MVB12B: variants seen among roughly 807,000 people sequenced by gnomAD.
MVB12B encodes ESCRT-I complex subunit MVB12B.
A neutral mutation model predicts 41.6 loss-of-function variants in MVB12B; 16 were observed. The observed-to-expected ratio is 0.38, with a 90% CI of 0.26 to 0.58. The LOEUF is 0.58. Among genes scored for constraint, MVB12B ranks in the 20% least tolerant of loss-of-function variants. The pLI, the probability that MVB12B is intolerant of heterozygous loss-of-function variation, is 0.62. For synonymous variants in MVB12B, 133 were observed against 139.7 expected, an observed-to-expected ratio of 0.95 and a Z score of 0.34; for missense variants, 274 against 380.2, an observed-to-expected ratio of 0.72 and a Z score of 2.32.
Position 126,386,709 on chromosome 9 carries a change from G to A in MVB12B, c.409+51G>A. ...TCACAATGAGCGTTTTCTTCCTCCA[G>A]GTATATTTGTAGGTGTTTTTCTATG... On this transcript the variant is annotated intron_variant, in intron 4 of 9. Transcript: ENST00000361171. This position sits in a 1 kb window ranked among gnomAD's most constrained non-coding sequence, Gnocchi z 4.3. 8.1e-6 allele frequency: 11 copies of A among 1,350,632 alleles called. No individual in the cohort carries two copies. Among genetic ancestry groups the A allele is most frequent in the Non-Finnish European group, 1.2e-5 (11 of 944,844 alleles). 83.7% of individuals were successfully genotyped at this position (1,350,632 alleles called of 1,614,324 possible).
intron 9 of MVB12B, among the ~76,000 whole-genome samples, chr9:126,488,086 C>T (rs1833657171): frequency 6.6e-6 from 1 of 152,178 alleles, no homozygotes; most frequent in African/African-American, 2.4e-5. Flanking sequence ...CTTTTAGCCA[C>T]TGAACTCGGC....
intron 7 of MVB12B, among the ~76,000 whole-genome samples, chr9:126,450,806 G>C (rs897590261): frequency 6.6e-6 from 1 of 152,200 alleles, no homozygotes; most frequent in African/African-American, 2.4e-5. Context: ...TTCCGGCTCA[G>C]GCTGGTGCAG....
Position 126,483,897 on chromosome 9 carries a change from A to C in MVB12B, c.814-76A>C, listed in dbSNP as rs115021512. On this transcript the variant is annotated intron_variant, in intron 8 of 9. Coordinates refer to ENST00000361171, the MANE Select transcript of MVB12B (RefSeq NM_033446.3). ...TCACACCGTGGCTTGAGGTGTTACCATTGTCATGCATAAAAGTAAGTGTGG... is the reference window on the plus strand; with the variant it reads ...TCACACCGTGGCTTGAGGTGTTACCCTTGTCATGCATAAAAGTAAGTGTGG... The C allele has an allele frequency of 8.9e-5, 130 of 1,468,786 alleles. No homozygotes were observed. The African/African-American group carries it at 1.6e-3, about 18-fold the overall frequency. The allele number at this position is 1,468,786 out of a possible 1,614,324, so 91.0% of individuals were successfully genotyped here.
chr9:126,479,888 G>A (rs1413636469), intron 7 of MVB12B, among the ~76,000 whole-genome samples: 4 of 152,170 alleles, frequency 2.6e-5, no homozygotes, highest in African/African-American at 7.2e-5. Flanking sequence ...TGAGCCATTC[G>A]GCTTTTCTTG....
At chr9:126,385,928 G>A (rs1301087865) in intron 3 of MVB12B, among the ~76,000 whole-genome samples, 8 of 152,182 alleles carry the variant, frequency 5.3e-5, no homozygotes, top group Non-Finnish European at 8.8e-5. Flanking sequence ...TTGTACACCA[G>A]TTACCGAAAC....
chr9:126,327,008 A>T lies in MVB12B; in HGVS notation c.79A>T (p.Thr27Ser). 4.6e-6 allele frequency: 1 copy of T among 216,478 alleles called. No individual in the cohort carries two copies. Among genetic ancestry groups the T allele is most frequent in the Non-Finnish European group, 9.1e-6 (1 of 109,300 alleles). 13.4% of individuals were successfully genotyped at this position (216,478 alleles called of 1,614,324 possible). ...QPPPPPPQRG[T>S]DQSTMPEVKD... ...ACCGCCGCCGCCGCCCCAGCGGGGA[A>T]CAGTTAAGTGAGGCCCGGGCGCCGC... is the stretch of plus-strand genomic sequence containing the variant. The change falls in exon 1 of 10, where the codon ACA becomes TCA. Residue 27 changes from threonine to serine, a missense_variant and splice_region_variant. Coordinates refer to ENST00000361171, the MANE Select transcript of MVB12B (RefSeq NM_033446.3).
At chr9:126,439,282 G>A (rs1433520031) in intron 7 of MVB12B, among the ~76,000 whole-genome samples, 1 of 151,110 alleles carries the variant, frequency 6.6e-6, no homozygotes, top group Non-Finnish European at 1.5e-5. Flanking sequence ...GGGTGGGGGC[G>A]CTAGGCAGGG....
intron 9 of MVB12B, among the ~76,000 whole-genome samples, chr9:126,495,151 C>G (rs1234523541): frequency 6.7e-6 from 1 of 149,318 alleles, no homozygotes; most frequent in East Asian, 2.0e-4. Flanking sequence ...GAGATCGAGC[C>G]ACTGCACTCC....
At chr9:126,348,336 G>A (rs1216220523) in intron 2 of MVB12B, among the ~76,000 whole-genome samples, 1 of 152,194 alleles carries the variant, frequency 6.6e-6, no homozygotes, top group Non-Finnish European at 1.5e-5. Context: ...TGGCCCCAAG[G>A]GAGCAGAGCT....
In MVB12B at chr9:126,340,992, C is replaced by T. The variant is rs1331486476; in HGVS notation, c.204+362C>T. Among the ~76,000 whole-genome samples the T allele has an allele frequency of 6.6e-6, 1 of 152,210 alleles. No individual in the cohort carries two copies. The highest frequency in any genetic ancestry group is 2.1e-4 in the South Asian group (1 of 4,838). On this transcript the variant is annotated intron_variant, in intron 2 of 9. Transcript: ENST00000361171. This position sits in a 1 kb window ranked among gnomAD's most constrained non-coding sequence, Gnocchi z 4.0. ...TGTGTAAATATTGTAAAGGCATTGT[C>T]CTACGTCTGTGTAGCTCTTTACAGT...
At position 126,459,827 on chromosome 9, in the gene MVB12B, A is replaced by G. The variant is rs1029200122; in HGVS notation, c.758-21542A>G. Among the ~76,000 whole-genome samples the G allele has an allele frequency of 1.9e-4, 29 of 152,160 alleles. No individual in the cohort carries two copies. Among genetic ancestry groups the G allele is most frequent in the African/African-American group, 6.8e-4 (28 of 41,430 alleles). ...AGGGGCCGCTTGTCTCACAGTCAGA[A>G]TCGCCAGCTTCAGCCCACCCATCTC... On this transcript the variant is annotated intron_variant, in intron 7 of 9. Transcript: ENST00000361171. This position sits in a 1 kb window ranked among gnomAD's most constrained non-coding sequence, Gnocchi z 4.3.
In MVB12B at chr9:126,430,573, CCT is replaced by C. The variant is rs1310154491; in HGVS notation, c.757+8628_757+8629del. Among the ~76,000 whole-genome samples the C allele has an allele frequency of 8.3e-5, 12 of 144,250 alleles. 1 individual carries two copies. The highest frequency in any genetic ancestry group is 7.6e-4 in the Admixed American group (11 of 14,438). The allele number at this position is 144,250 out of a possible 152,430, so 94.6% of individuals were successfully genotyped here. On this transcript the variant is annotated intron_variant, in intron 7 of 9. Transcript: ENST00000361171. ...CATATTTAGAGAGAATGGAGGCTCC[CCT>C]CTTTTTTTTTTTTTAATTGAGGAGG...
chr9:126,445,809 T>C (rs1262999900), intron 7 of MVB12B, among the ~76,000 whole-genome samples: 1 of 152,180 alleles, frequency 6.6e-6, no homozygotes, highest in African/African-American at 2.4e-5. Context: ...TTGTTTTTTT[T>C]AATCTTCATT....
intron 2 of MVB12B, among the ~76,000 whole-genome samples, chr9:126,354,197 C>T (rs1448985918): frequency 6.6e-6 from 1 of 152,098 alleles, no homozygotes; most frequent in Non-Finnish European, 1.5e-5. Context: ...CTAGGCTTCC[C>T]TTATATATTC....
chr9:126,350,037 C>T (rs1027479248), intron 2 of MVB12B, among the ~76,000 whole-genome samples: 2 of 152,306 alleles, frequency 1.3e-5, no homozygotes, highest in Non-Finnish European at 1.5e-5. Context: ...CATTCTGACA[C>T]GTGCATAGTG....
At chr9:126,419,074 A>G (rs954180301) in intron 6 of MVB12B, among the ~76,000 whole-genome samples, 1 of 151,908 alleles carries the variant, frequency 6.6e-6, no homozygotes, top group Non-Finnish European at 1.5e-5. Context: ...GCCATCATCC[A>G]TGTCCACCTG....
intron 1 of MVB12B, among the ~76,000 whole-genome samples, chr9:126,336,754 G>GCACACA (rs113110128): frequency 0.062 from 9,366 of 150,282 alleles, 299 homozygotes; most frequent in East Asian, 0.13. Context: ...GTGTGTGCAC[G>GCACACA]CACACACACA....
At chr9:126,494,290 C>T (rs1833787801) in intron 9 of MVB12B, among the ~76,000 whole-genome samples, 1 of 152,166 alleles carries the variant, frequency 6.6e-6, no homozygotes, top group African/African-American at 2.4e-5. Flanking sequence ...TTGGAGGCCC[C>T]CTTCCCCACT....
chr9:126,468,325 C>T lies in MVB12B; in HGVS notation c.758-13044C>T, dbSNP rs527511535. Among the ~76,000 whole-genome samples, 10 of 152,290 alleles carry T rather than the reference C, an allele frequency of 6.6e-5. 1 individual carries two copies. The South Asian group carries it at 1.7e-3, about 25-fold the overall frequency. Reference sequence around the variant, plus strand: ...CCCTCACACACCCATCTCACATTCTCGGTCATAATGTTCTAACCAGTGTTG... The same window carrying T: ...CCCTCACACACCCATCTCACATTCTTGGTCATAATGTTCTAACCAGTGTTG... On this transcript the variant is annotated intron_variant, in intron 7 of 9. Transcript: ENST00000361171. The surrounding 1 kb of genome is among the most constrained non-coding windows in gnomAD (Gnocchi z 4.3).
Sources: gnomAD v4.1 joint callset for allele counts (sites outside exome capture counted in the v4.1 genomes callset) on GRCh38, gnomAD v4.1.1 for gene constraint, Gnocchi (gnomAD v3.1) non-coding constraint, MANE v1.5 for transcripts, NCBI Gene and HGNC (gene_info 2026-07-23, HGNC 2026-07-21) for gene names.